KIRREL3: variants seen among roughly 807,000 people sequenced by gnomAD.
KIRREL3 encodes the protein kin of IRRE-like protein 3.
Under a neutral mutation model 89.7 loss-of-function variants are expected in KIRREL3, and 36 were observed. That is an observed-to-expected ratio of 0.40 (90% CI 0.31 to 0.53). KIRREL3 has a LOEUF of 0.53. Ranked by LOEUF, KIRREL3 falls within the 20% of genes least tolerant of loss-of-function variation. The pLI is 0.49. For missense variants in KIRREL3, 864 were observed against 1,056.6 expected, an observed-to-expected ratio of 0.82 and a Z score of 2.53; for synonymous variants, 445 against 441.4, an observed-to-expected ratio of 1.01 and a Z score of -0.10.
intron 1 of KIRREL3, among the ~76,000 whole-genome samples, chr11:126,914,325 A>G (rs1334131799): frequency 2.0e-5 from 3 of 152,166 alleles, no homozygotes; most frequent in Non-Finnish European, 4.4e-5. Flanking sequence ...ACAAAGCAAT[A>G]CTCTATTCCC....
rs552004894 is a variant in KIRREL3, at chr11:126,696,025, G to A, written c.56-133113C>T. On this transcript the variant is annotated intron_variant, in intron 1 of 16. Coordinates refer to ENST00000525144, the MANE Select transcript of KIRREL3 (RefSeq NM_032531.4). The surrounding 1 kb of genome is among the most constrained non-coding windows in gnomAD (Gnocchi z 4.4). Reference sequence around the variant, plus strand: ...TCCCAGCACTTTGGGAGGCTGAGGCGGGTGGATTACCTGAGGTCAGGAGTT... The same window carrying A: ...TCCCAGCACTTTGGGAGGCTGAGGCAGGTGGATTACCTGAGGTCAGGAGTT... Among the ~76,000 whole-genome samples the A allele has an allele frequency of 1.3e-5, 2 of 151,786 alleles. No individual in the cohort carries two copies. Among genetic ancestry groups the A allele is most frequent in the African/African-American group, 2.4e-5 (1 of 41,302 alleles).
chr11:126,517,002 A>G (rs1958430152), intron 4 of KIRREL3, among the ~76,000 whole-genome samples: 1 of 152,130 alleles, frequency 6.6e-6, no homozygotes, highest in South Asian at 2.1e-4. Context: ...CAGAAGGCGG[A>G]GGTTGCGGTG....
intron 1 of KIRREL3, among the ~76,000 whole-genome samples, chr11:126,962,543 G>C (rs1381168612): frequency 6.6e-6 from 1 of 152,172 alleles, no homozygotes; most frequent in Non-Finnish European, 1.5e-5. Context: ...GTGGTTTCTT[G>C]AGGTGAAATG....
At position 126,561,020 on chromosome 11, in the gene KIRREL3, G is replaced by A. The variant is rs1377905883; in HGVS notation, c.133+1815C>T. On this transcript the variant is annotated intron_variant, in intron 2 of 16. Coordinates refer to ENST00000525144, the MANE Select transcript of KIRREL3 (RefSeq NM_032531.4). This position sits in a 1 kb window ranked among gnomAD's most constrained non-coding sequence, Gnocchi z 4.5. ...TTATAAATATAAAACAGCTCCGCAT[G>A]CTTTCTGATGCCTTTCTTATCTGCA... Among the ~76,000 whole-genome samples, 3 of 152,222 alleles carry A rather than the reference G, an allele frequency of 2.0e-5. No individual in the cohort carries two copies. The highest frequency in any genetic ancestry group is 7.2e-5 in the African/African-American group (3 of 41,458).
intron 5 of KIRREL3, among the ~76,000 whole-genome samples, chr11:126,466,124 C>T (rs528938170): frequency 1.3e-5 from 2 of 152,182 alleles, no homozygotes; most frequent in African/African-American, 2.4e-5. Context: ...ACTGCTCCCC[C>T]TCCTCCCTGC....
At chr11:126,728,966 C>T (rs1488898739) in intron 1 of KIRREL3, among the ~76,000 whole-genome samples, 1 of 152,226 alleles carries the variant, frequency 6.6e-6, no homozygotes, top group East Asian at 1.9e-4. Flanking sequence ...AGGGCAATGG[C>T]TGGGCAGTGG....
intron 1 of KIRREL3, among the ~76,000 whole-genome samples, chr11:126,902,209 G>T (rs959351712): frequency 6.6e-6 from 1 of 152,204 alleles, no homozygotes; most frequent in African/African-American, 2.4e-5. Flanking sequence ...CCACCAAAAG[G>T]TGCTGTCATT....
intron 1 of KIRREL3, among the ~76,000 whole-genome samples, chr11:126,649,462 G>A (rs544639617): frequency 1.3e-5 from 2 of 152,234 alleles, no homozygotes; most frequent in African/African-American, 4.8e-5. Context: ...ATAAAATGAG[G>A]GTACAGGTAT....
Position 126,805,459 on chromosome 11 carries a change from C to G in KIRREL3, c.55+194996G>C, listed in dbSNP as rs904637498. On this transcript the variant is annotated intron_variant, in intron 1 of 16. Transcript: ENST00000525144. The surrounding 1 kb of genome is among the most constrained non-coding windows in gnomAD (Gnocchi z 4.3). ...GTTTCCCACACAAGCCTCAGCCCAT[C>G]TCATCTGGTTTTGTTCTGAACCCCA... Among the ~76,000 whole-genome samples, 1 of 152,228 alleles carries G rather than the reference C, an allele frequency of 6.6e-6. No homozygotes were observed. Among genetic ancestry groups the G allele is most frequent in the African/African-American group, 2.4e-5 (1 of 41,464 alleles).
At position 126,486,509 on chromosome 11, in the gene KIRREL3, G is replaced by A. The variant is rs559017982; in HGVS notation, c.434-13043C>T. Among the ~76,000 whole-genome samples the A allele has an allele frequency of 1.3e-5, 2 of 152,354 alleles. No individual in the cohort carries two copies. The highest frequency in any genetic ancestry group is 4.8e-5 in the African/African-American group (2 of 41,582). ...AATAACCGGCACATGCCCCCTTGCA[G>A]CCGCTCACAAAGCTCTCCAGCTGGT... On this transcript the variant is annotated intron_variant, in intron 4 of 16. Coordinates refer to ENST00000525144, the MANE Select transcript of KIRREL3 (RefSeq NM_032531.4). This position sits in a 1 kb window ranked among gnomAD's most constrained non-coding sequence, Gnocchi z 6.2.
chr11:126,779,065 C>A (rs1950249676), intron 1 of KIRREL3, among the ~76,000 whole-genome samples: 1 of 152,214 alleles, frequency 6.6e-6, no homozygotes, highest in South Asian at 2.1e-4. Flanking sequence ...ATGGCTAAAT[C>A]CAGTCTCCTG....
In KIRREL3 at chr11:126,983,843, T is replaced by G. The variant is rs1354001876; in HGVS notation, c.55+16612A>C. ...CAGCAGCACTGGGAAACAAATACACTCCATACATAGCCTTTCTCAACTGAG... is the reference window on the plus strand; with the variant it reads ...CAGCAGCACTGGGAAACAAATACACGCCATACATAGCCTTTCTCAACTGAG... On this transcript the variant is annotated intron_variant, in intron 1 of 16. Transcript: ENST00000525144. This position sits in a 1 kb window ranked among gnomAD's most constrained non-coding sequence, Gnocchi z 4.9. Among the ~76,000 whole-genome samples the G allele has an allele frequency of 6.6e-6, 1 of 152,150 alleles. No individual in the cohort carries two copies. The highest frequency in any genetic ancestry group is 2.4e-5 in the African/African-American group (1 of 41,430).
At position 126,808,224 on chromosome 11, in the gene KIRREL3, G is replaced by C. The variant is rs903614765; in HGVS notation, c.55+192231C>G. ...GGAAAGAGGGATCCATGGAGTAAGA[G>C]GTCCCTTCAGGGGAGTCATTAGCAA... On this transcript the variant is annotated intron_variant, in intron 1 of 16. Coordinates refer to ENST00000525144, the MANE Select transcript of KIRREL3 (RefSeq NM_032531.4). This position sits in a 1 kb window ranked among gnomAD's most constrained non-coding sequence, Gnocchi z 4.1. Among the ~76,000 whole-genome samples the C allele has an allele frequency of 2.6e-5, 4 of 152,164 alleles. No individual in the cohort carries two copies. Among genetic ancestry groups the C allele is most frequent in the African/African-American group, 9.7e-5 (4 of 41,438 alleles).
At chr11:126,457,405 A>G (rs894786044) in intron 6 of KIRREL3, among the ~76,000 whole-genome samples, 2 of 148,036 alleles carry the variant, frequency 1.4e-5, no homozygotes, top group Non-Finnish European at 3.0e-5. Context: ...GTATGTGTGT[A>G]TGCACGTGTG....
intron 1 of KIRREL3, among the ~76,000 whole-genome samples, chr11:126,966,720 A>C (rs1212062919): frequency 6.6e-6 from 1 of 152,172 alleles, no homozygotes; most frequent in Non-Finnish European, 1.5e-5. Context: ...TGGCCAAGAT[A>C]CCAACAGACT....
Position 126,977,974 on chromosome 11 carries a change from C to A in KIRREL3, c.55+22481G>T, listed in dbSNP as rs990513906. Reference sequence around the variant, plus strand: ...GGTGTCCTCACTCAGTTTCTGGGCACGACATGTCCCACTCTCCATTGAGTG... The same window carrying A: ...GGTGTCCTCACTCAGTTTCTGGGCAAGACATGTCCCACTCTCCATTGAGTG... On this transcript the variant is annotated intron_variant, in intron 1 of 16. Coordinates refer to ENST00000525144, the MANE Select transcript of KIRREL3 (RefSeq NM_032531.4). This position sits in a 1 kb window ranked among gnomAD's most constrained non-coding sequence, Gnocchi z 4.7. 2.0e-5 allele frequency among the ~76,000 whole-genome samples: 3 copies of A among 152,098 alleles called. No homozygotes were observed. The highest frequency in any genetic ancestry group is 2.1e-4 in the South Asian group (1 of 4,816).
chr11:126,741,323 TG>T (rs1948976231), intron 1 of KIRREL3, among the ~76,000 whole-genome samples: 1 of 152,228 alleles, frequency 6.6e-6, no homozygotes, highest in Admixed American at 6.5e-5. Context: ...ACAGTCTTTA[TG>T]GTCTTTCAAT....
intron 1 of KIRREL3, among the ~76,000 whole-genome samples, chr11:126,956,502 G>T (rs11220673): frequency 1.3e-5 from 2 of 152,236 alleles, no homozygotes; most frequent in East Asian, 3.9e-4. Flanking sequence ...TGTGCTTACT[G>T]GGCTAAAGAA....
chr11:126,760,874 C>T (rs974007956), intron 1 of KIRREL3, among the ~76,000 whole-genome samples: 1 of 152,160 alleles, frequency 6.6e-6, no homozygotes, highest in Admixed American at 6.5e-5. Flanking sequence ...TGTGGAAAAA[C>T]ACTTTATAGG....
Sources: gnomAD v4.1 joint callset for allele counts (sites outside exome capture counted in the v4.1 genomes callset) on GRCh38, gnomAD v4.1.1 for gene constraint, Gnocchi (gnomAD v3.1) non-coding constraint, MANE v1.5 for transcripts, NCBI Gene and HGNC (gene_info 2026-07-23, HGNC 2026-07-21) for gene names.